PAX6: variants seen among roughly 807,000 people sequenced by gnomAD.
PAX6 encodes the protein paired box 6.
PAX6 carries 7 observed loss-of-function variants against 60.7 expected under a neutral mutation model. The observed-to-expected ratio is 0.12, with a 90% CI of 0.07 to 0.22. PAX6 has a LOEUF of 0.22. Ranked by LOEUF, PAX6 falls within the 10% of genes least tolerant of loss-of-function variation. The probability of loss-of-function intolerance (pLI) is 1.00; values close to 1 mark genes in which losing one functional copy is unlikely to be tolerated. For missense variants in PAX6, 355 were observed against 555.2 expected, an observed-to-expected ratio of 0.64 and a Z score of 3.62; for synonymous variants, 208 against 201.2, an observed-to-expected ratio of 1.03 and a Z score of -0.29.
intron 13 of PAX6, 98 bp from the exon 14 acceptor site, chr11:31,790,117 AAAACT>A: frequency 1.3e-6 from 1 of 779,982 alleles, no homozygotes; most frequent in Non-Finnish European, 2.1e-6. Context: ...AAAAAAAAAA[AAAACT>A]AATACTTTCT....
intron 8 of PAX6, among the ~76,000 whole-genome samples, chr11:31,797,575 G>T (rs1373259443): frequency 6.7e-6 from 1 of 150,232 alleles, no homozygotes; most frequent in Non-Finnish European, 1.5e-5. Flanking sequence ...GAAACCTGTC[G>T]CTGCAGGATC....
At position 31,794,419 on chromosome 11, in the gene PAX6, ACCACAC is replaced by A. The variant is rs1950835842; in HGVS notation, c.724+205_724+210del. 1.5e-5 allele frequency: 6 copies of A among 408,894 alleles called. No homozygotes were observed. In the South Asian group the frequency reaches 1.7e-4, roughly 12 times the overall value. The allele number at this position is 408,894 out of a possible 1,614,324, so 25.3% of individuals were successfully genotyped here. A position where few individuals can be genotyped will look rare whatever the true frequency, so the allele number is the denominator to read the frequency against. On this transcript the variant is annotated intron_variant, in intron 9 of 13. Transcript: ENST00000640368. ...GAAAAGAAGAAACACACACACACAC[ACCACAC>A]ACACACACACACACACACACACACA...
intron 12 of PAX6, chr11:31,792,565 C>G (rs1246365922): frequency 6.6e-6 from 1 of 152,588 alleles, no homozygotes; most frequent in Non-Finnish European, 1.5e-5. Flanking sequence ...AATTGTTGCA[C>G]AAACAGGAGT....
At position 31,811,265 on chromosome 11, in the gene PAX6, G is replaced by A; in HGVS notation, c.-467C>T. 1 of 399,096 alleles carries A rather than the reference G, an allele frequency of 2.5e-6. No individual in the cohort carries two copies. Among genetic ancestry groups the A allele is most frequent in the Non-Finnish European group, 4.4e-6 (1 of 226,156 alleles). The allele number at this position is 399,096 out of a possible 1,614,324, so 24.7% of individuals were successfully genotyped here. A position where few individuals can be genotyped will look rare whatever the true frequency, so the allele number is the denominator to read the frequency against. On this transcript the variant is annotated 5_prime_UTR_variant, in exon 1 of 14. Coordinates refer to ENST00000640368, the MANE Select transcript of PAX6 (RefSeq NM_001368894.2). ...TTCCTCCTGCGCCTGAACCAGAGCGGGAAATGAGGCCGAGCCACGGTTCCC... is the reference window on the plus strand; with the variant it reads ...TTCCTCCTGCGCCTGAACCAGAGCGAGAAATGAGGCCGAGCCACGGTTCCC...
intron 2 of PAX6, chr11:31,810,622 C>T (rs1956868025): frequency 2.7e-6 from 1 of 365,320 alleles, no homozygotes; most frequent in Non-Finnish European, 4.9e-6. Context: ...GCGCCGCTCC[C>T]GCTCGCCGGC....
chr11:31,807,298 T>G (rs1956045903), intron 2 of PAX6: 1 of 152,614 alleles, frequency 6.6e-6, no homozygotes, highest in African/African-American at 2.4e-5. Context: ...ACCTGAAGTT[T>G]GGAGACCAGG....
chr11:31,793,011 C>T (rs1295664690), intron 12 of PAX6: 4 of 521,260 alleles, frequency 7.7e-6, no homozygotes, highest in African/African-American at 3.8e-5. Flanking sequence ...CAAAGTAATG[C>T]CCCAAATGCG....
Position 31,789,882 on chromosome 11 carries a change from A to G in PAX6, c.*52T>C, listed in dbSNP as rs1949192626. 2 of 1,490,406 alleles carry G rather than the reference A, an allele frequency of 1.3e-6. No homozygotes were observed. The highest frequency in any genetic ancestry group is 1.8e-6 in the Non-Finnish European group (2 of 1,086,188). The allele number at this position is 1,490,406 out of a possible 1,614,324, so 92.3% of individuals were successfully genotyped here. A position where few individuals can be genotyped will look rare whatever the true frequency, so the allele number is the denominator to read the frequency against. ...GCTCAACTGTTGTGTCCCCATAGTC[A>G]CTGACTGAATTAACACAATATTTCC... is the stretch of plus-strand genomic sequence containing the variant. On this transcript the variant is annotated 3_prime_UTR_variant, in exon 14 of 14. Transcript: ENST00000640368.
chr11:31,790,790 C>G lies in PAX6; in HGVS notation c.1145G>C (p.Ser382Thr). The change falls in exon 13 of 14, where the codon AGT becomes ACT. Residue 382 changes from serine to threonine, a missense_variant. By Grantham distance (58) the Ser-to-Thr change is moderately conservative. Around this residue, in one of 5 missense-constraint regions of PAX6, gnomAD observed 149 missense variants for 191.9 expected, o/e 0.78. Coordinates refer to ENST00000640368, the MANE Select transcript of PAX6 (RefSeq NM_001368894.2). ...LPTSPSVNGR[S>T]YDTYTPPHMQ... ...ATGTGGGGGGGTGTAGGTATCATAA[C>G]TCCGCCCATTCACCGAAGGGCTGGT... 2 of 1,614,102 alleles carry G rather than the reference C, an allele frequency of 1.2e-6. No individual in the cohort carries two copies. Among genetic ancestry groups the G allele is most frequent in the Non-Finnish European group, 1.7e-6 (2 of 1,180,032 alleles).
At chr11:31,817,603 C>A (rs1403038401) in intron 1 of PAX6, among the ~76,000 whole-genome samples, 1 of 152,282 alleles carries the variant, frequency 6.6e-6, no homozygotes, top group Admixed American at 6.5e-5. Flanking sequence ...CAGAAGAGCA[C>A]ACTCGGCAAA....
Position 31,793,538 on chromosome 11 carries a change from G to C in PAX6, c.974C>G (p.Ser325Cys). 1 of 1,614,238 alleles carries C rather than the reference G, an allele frequency of 6.2e-7. No homozygotes were observed. The highest frequency in any genetic ancestry group is 8.5e-7 in the Non-Finnish European group (1 of 1,180,028). ...GTCTGTTCGGCCCAACATGGAGCCAGATGTGAAGGAGGAAACTGAGGGCAA... is the reference window on the plus strand; with the variant it reads ...GTCTGTTCGGCCCAACATGGAGCCACATGTGAAGGAGGAAACTGAGGGCAA... The part of the protein sequence containing the change: ...QPTTPVSSFT[S>C]GSMLGRTDTA... The change falls in exon 12 of 14, where the codon TCT (serine) becomes TGT (cysteine). Residue 325 changes from serine (S) to cysteine (C), a missense_variant. This residue lies in a region of PAX6 where 149 missense variants were observed against 191.9 expected (regional missense o/e 0.78). Transcript: ENST00000640368.
At chr11:31,815,538 C>A (rs1425048072), upstream of PAX6, among the ~76,000 whole-genome samples, 1 of 152,084 alleles carries the variant, frequency 6.6e-6, no homozygotes, top group African/African-American at 2.4e-5. Context: ...GGGGAGGGAG[C>A]AAATGTCATG....
chr11:31,795,941 T>A (rs939240589), intron 8 of PAX6, among the ~76,000 whole-genome samples: 2 of 151,778 alleles, frequency 1.3e-5, no homozygotes, highest in African/African-American at 4.8e-5. Context: ...AGAGGCGGGG[T>A]GGAGGGGCCC....
upstream of PAX6, chr11:31,816,282 T>C (rs1592675384): frequency 1.5e-5 from 6 of 388,454 alleles, no homozygotes; most frequent in East Asian, 2.6e-4. Flanking sequence ...ATCTGAATAG[T>C]AATTCCAGTC....
upstream of PAX6, chr11:31,812,534 G>C (rs1404888313): frequency 1.3e-5 from 2 of 152,434 alleles, no homozygotes; most frequent in Non-Finnish European, 2.9e-5. Flanking sequence ...CCACACACCA[G>C]AAGTCCATTT....
At chr11:31,793,212 C>A in intron 12 of PAX6, 1 of 685,306 alleles carries the variant, frequency 1.5e-6, no homozygotes. Flanking sequence ...ATCAACCTGA[C>A]AAAACTGGAC....
chr11:31,817,469 T>C (rs1039135924), intron 1 of PAX6, among the ~76,000 whole-genome samples: 2 of 152,210 alleles, frequency 1.3e-5, no homozygotes, highest in Non-Finnish European at 2.9e-5. Context: ...CGTCCCCACC[T>C]CCTGCATTTT....
chr11:31,802,485 T>C (rs1954330942), intron 5 of PAX6: 1 of 524,792 alleles, frequency 1.9e-6, no homozygotes, highest in Non-Finnish European at 3.3e-6. Flanking sequence ...AGCAGATGAG[T>C]TATCTTATGT....
At chr11:31,793,872 G>T (rs1158253616) in intron 10 of PAX6, 70 bp from the exon 11 acceptor site, 6 of 1,559,408 alleles carry the variant, frequency 3.8e-6, no homozygotes, top group African/African-American at 1.4e-5. Context: ...CACCTCCACT[G>T]CTGCCCTCCC....
Sources: allele counts gnomAD v4.1 joint callset (sites outside exome capture counted in the v4.1 genomes callset), GRCh38; gene constraint gnomAD v4.1.1; regional missense constraint gnomAD v4.1.1; transcripts MANE v1.5; gene names NCBI Gene and HGNC (gene_info 2026-07-23, HGNC 2026-07-21).